Variants in BCAS1 observed in about 807,000 individuals in gnomAD.
BCAS1 encodes the protein brain enriched myelin associated protein 1, also known as breast carcinoma-amplified sequence 1.
A neutral mutation model predicts 65.4 loss-of-function variants in BCAS1; 46 were observed. The ratio of observed to expected loss-of-function variants is 0.70; its 90% CI spans 0.55 to 0.90. The LOEUF (loss-of-function observed/expected upper bound fraction) is 0.90. Ranked by LOEUF, BCAS1 falls within the 40% of genes least tolerant of loss-of-function variation. The pLI is 0.00. For synonymous variants in BCAS1, 298 were observed against 293.5 expected, an observed-to-expected ratio of 1.02 and a Z score of -0.16; for missense variants, 793 against 771.2, an observed-to-expected ratio of 1.03 and a Z score of -0.33.
chr20:53,995,153 C>T (rs1317358746), intron 5 of BCAS1, 97 bp from the exon 6 acceptor site: 4 of 992,608 alleles, frequency 4.0e-6, no homozygotes, highest in Non-Finnish European at 6.3e-6. Context: ...TCCAGTTCAC[C>T]ATACAGGTCA....
At chr20:54,049,587 A>T (rs931922836) in intron 3 of BCAS1, among the ~76,000 whole-genome samples, 35 of 146,164 alleles carry the variant, frequency 2.4e-4, no homozygotes, top group Non-Finnish European at 4.6e-4. Context: ...TTTTTTTTTT[A>T]AATAGAGATG....
At chr20:53,973,817 G>A (rs776201783) in intron 9 of BCAS1, among the ~76,000 whole-genome samples, 29 of 152,104 alleles carry the variant, frequency 1.9e-4, no homozygotes, top group Non-Finnish European at 3.8e-4. Flanking sequence ...AGGAAGGAAG[G>A]AGGAAGGAAG....
At position 54,056,629 on chromosome 20, in the gene BCAS1, G is replaced by A. The variant is rs1478582609; in HGVS notation, c.142+1456C>T. Among the ~76,000 whole-genome samples the A allele has an allele frequency of 5.3e-5, 8 of 152,002 alleles. No homozygotes were observed. The East Asian group carries it at 1.3e-3, about 26-fold the overall frequency. ...TTTTTTTAAAAGAACCTTCTACAGA[G>A]CCCCCAATAGTTCAGGTTCTCAGTC... On this transcript the variant is annotated intron_variant, in intron 3 of 12. Transcript: ENST00000688948.
chr20:53,978,144 GT>G (rs532143927), intron 8 of BCAS1, among the ~76,000 whole-genome samples: 1 of 148,208 alleles, frequency 6.7e-6, no homozygotes, highest in Non-Finnish European at 1.5e-5. Flanking sequence ...GCAGTGTTTG[GT>G]TTTTTGTGGA....
At chr20:53,956,369 C>G (rs2089699463) in intron 11 of BCAS1, among the ~76,000 whole-genome samples, 1 of 152,198 alleles carries the variant, frequency 6.6e-6, no homozygotes, top group South Asian at 2.1e-4. Flanking sequence ...GAACCAAACC[C>G]TGCTGATTTG....
intron 4 of BCAS1, among the ~76,000 whole-genome samples, chr20:53,999,873 G>A (rs908055182): frequency 2.6e-5 from 4 of 152,258 alleles, no homozygotes; most frequent in Admixed American, 1.3e-4. Context: ...TGGGATTACA[G>A]TGTGTGCCAC....
At chr20:54,041,537 A>T (rs558151978) in intron 3 of BCAS1, among the ~76,000 whole-genome samples, 1 of 152,220 alleles carries the variant, frequency 6.6e-6, no homozygotes, top group East Asian at 1.9e-4. Flanking sequence ...TTCCCTTGCC[A>T]AATTGGTTAA....
Position 54,028,576 on chromosome 20 carries a change from G to C in BCAS1, c.539C>G (p.Ala180Gly). The C allele has an allele frequency of 6.2e-7, 1 of 1,614,146 alleles. No homozygotes were observed. Among genetic ancestry groups the C allele is most frequent in the Admixed American group, 1.7e-5 (1 of 60,028 alleles). Reference sequence around the variant, plus strand: ...GGGCTTGGAGGGAGCTTCTCCTCCTGCTCCCCCTGTCTCAGGTGGGAGAAG... The same window carrying C: ...GGGCTTGGAGGGAGCTTCTCCTCCTCCTCCCCCTGTCTCAGGTGGGAGAAG... ...PTLLPPETGG[A>G]GGEAPSKPKD... The change falls in exon 4 of 13, where the codon GCA becomes GGA. Residue 180 changes from alanine (A) to glycine (G), a missense_variant. Physicochemically the swap from Ala to Gly is moderately conservative, Grantham distance 60. Coordinates refer to ENST00000688948, the MANE Select transcript of BCAS1 (RefSeq NM_001366298.2).
intron 12 of BCAS1, among the ~76,000 whole-genome samples, chr20:53,952,062 G>A (rs1175535522): frequency 6.6e-6 from 1 of 152,248 alleles, no homozygotes; most frequent in Non-Finnish European, 1.5e-5. Flanking sequence ...CCCACTTTCA[G>A]TGTCTCCATT....
chr20:54,066,274 G>A (rs551182158), intron 1 of BCAS1, among the ~76,000 whole-genome samples: 309 of 152,212 alleles, frequency 2.0e-3, no homozygotes, highest in African/African-American at 6.5e-3. Flanking sequence ...GGGTTTCCCC[G>A]TGTTAGCCAG....
At chr20:53,992,968 T>C (rs2090802414) in intron 6 of BCAS1, among the ~76,000 whole-genome samples, 1 of 152,186 alleles carries the variant, frequency 6.6e-6, no homozygotes, top group African/African-American at 2.4e-5. Flanking sequence ...AGTCTCTACT[T>C]GATAGTTGTA....
At chr20:53,969,996 G>C (rs2090138441) in intron 9 of BCAS1, among the ~76,000 whole-genome samples, 2 of 152,152 alleles carry the variant, frequency 1.3e-5, no homozygotes, top group African/African-American at 4.8e-5. Context: ...CTAAAACTAA[G>C]GGTAGAAGAG....
chr20:53,985,600 A>C, intron 7 of BCAS1, 101 bp from the exon 8 acceptor site: 1 of 1,019,234 alleles, frequency 9.8e-7, no homozygotes, highest in Middle Eastern at 2.8e-4. Context: ...GGTTATACAT[A>C]ATGTTAATTT....
chr20:54,023,392 T>A (rs948056923), intron 4 of BCAS1, among the ~76,000 whole-genome samples: 3 of 152,178 alleles, frequency 2.0e-5, no homozygotes, highest in Admixed American at 6.5e-5. Context: ...TGTAAAATGG[T>A]GAAAATACAG....
intron 3 of BCAS1, among the ~76,000 whole-genome samples, chr20:54,029,821 G>A (rs2091761701): frequency 6.6e-6 from 1 of 152,212 alleles, no homozygotes; most frequent in Admixed American, 6.5e-5. Flanking sequence ...CTAGTAAGCA[G>A]CAGAGTCTGG....
chr20:53,956,753 C>G (rs1165251019), intron 11 of BCAS1, among the ~76,000 whole-genome samples: 1 of 151,530 alleles, frequency 6.6e-6, no homozygotes, highest in Non-Finnish European at 1.5e-5. Context: ...ATTGTCAAAA[C>G]TACTAGAAGA....
intron 11 of BCAS1, 145 bp downstream of exon 11, chr20:53,957,287 A>G (rs1326508887): frequency 6.9e-6 from 5 of 727,420 alleles, no homozygotes; most frequent in Non-Finnish European, 1.2e-5. Flanking sequence ...GCAGACCCCA[A>G]CATAGTTCTT....
At chr20:54,023,186 CT>C (rs1336565261) in intron 4 of BCAS1, among the ~76,000 whole-genome samples, 1 of 152,194 alleles carries the variant, frequency 6.6e-6, no homozygotes, top group Non-Finnish European at 1.5e-5. Context: ...GTATTTACAA[CT>C]TTGCATATGC....
chr20:54,063,304 A>C (rs2092398149), intron 1 of BCAS1, among the ~76,000 whole-genome samples: 1 of 152,156 alleles, frequency 6.6e-6, no homozygotes, highest in Non-Finnish European at 1.5e-5. Flanking sequence ...CCTCCATCTC[A>C]AGGGGCTGGT....
Sources: allele counts gnomAD v4.1 joint callset (sites outside exome capture counted in the v4.1 genomes callset), GRCh38; gene constraint gnomAD v4.1.1; transcripts MANE v1.5; gene names NCBI Gene and HGNC (gene_info 2026-07-23, HGNC 2026-07-21).